CLEC12A: variants seen among roughly 807,000 people sequenced by gnomAD.
CLEC12A encodes C-type lectin protein CLL-1.
CLEC12A carries 22 observed loss-of-function variants against 26.5 expected under a neutral mutation model. The ratio of observed to expected loss-of-function variants is 0.83; its 90% CI spans 0.59 to 1.19. CLEC12A has a LOEUF of 1.19. Ranked by LOEUF, CLEC12A falls within the 50% of genes most tolerant of loss-of-function variation. CLEC12A has a pLI of 0.00. For missense variants in CLEC12A, 353 were observed against 315.6 expected, an observed-to-expected ratio of 1.12 and a Z score of -0.90; for synonymous variants, 119 against 101.9, an observed-to-expected ratio of 1.17 and a Z score of -1.01.
At chr12:9,954,178 C>T (rs554114154) in intron 1 of CLEC12A, among the ~76,000 whole-genome samples, 1 of 137,008 alleles carries the variant, frequency 7.3e-6, no homozygotes, top group African/African-American at 2.8e-5. Flanking sequence ...CAAATCCCCT[C>T]TGTGAGAAAC....
chr12:9,989,521 G>A (rs1223387489), downstream of CLEC12A, among the ~76,000 whole-genome samples: 1 of 152,210 alleles, frequency 6.6e-6, no homozygotes, highest in Non-Finnish European at 1.5e-5. Flanking sequence ...TCCAGAGCAA[G>A]GCCCTAACTC....
rs1196731388 is a variant in CLEC12A, at chr12:9,985,040, T to C, written c.*14T>C. On this transcript the variant is annotated 3_prime_UTR_variant, in exon 6 of 6. Coordinates refer to ENST00000304361, the MANE Select transcript of CLEC12A (RefSeq NM_138337.6). ...AGGGAGGCATGAGGCATCAATCAAA[T>C]ACATTTAAGGAGTGTAGGGGGTGGG... is the stretch of plus-strand genomic sequence containing the variant. The C allele has an allele frequency of 4.0e-6, 6 of 1,500,014 alleles. No individual in the cohort carries two copies. The African/African-American group carries it at 8.5e-5, about 21-fold the overall frequency. The allele number at this position is 1,500,014 out of a possible 1,614,324, so 92.9% of individuals were successfully genotyped here. A position where few individuals can be genotyped will look rare whatever the true frequency, so the allele number is the denominator to read the frequency against.
At chr12:9,983,981 T>C in intron 5 of CLEC12A, 1 of 251,064 alleles carries the variant, frequency 4.0e-6, no homozygotes, top group Non-Finnish European at 8.2e-6. Context: ...AAACGTAGAA[T>C]ATGTATGTGT....
At chr12:9,979,088 C>A in intron 2 of CLEC12A, 24 bp downstream of exon 2, 1 of 1,544,442 alleles carries the variant, frequency 6.5e-7, no homozygotes, top group South Asian at 1.1e-5. Context: ...CTGTTTTTGT[C>A]AAGAGGAAGT....
intron 1 of CLEC12A, among the ~76,000 whole-genome samples, chr12:9,965,957 T>C (rs1297859663): frequency 6.6e-6 from 1 of 152,020 alleles, no homozygotes; most frequent in Non-Finnish European, 1.5e-5. Flanking sequence ...AAGGAGGCTT[T>C]GACCTGGGGG....
In CLEC12A at chr12:9,966,217, G is replaced by A. The variant is rs144577172; in HGVS notation, c.11-5360G>A. ...CTTTGAAAAGAAGGTAATGTGGAGT[G>A]GGTAGCCTCCGTATTGATTAAGAAG... On this transcript the variant is annotated intron_variant, in intron 1 of 6. Transcript: ENST00000355690. Among the ~76,000 whole-genome samples, 307 of 152,304 alleles carry A rather than the reference G, an allele frequency of 2.0e-3. 3 individuals are homozygous for A. The highest frequency in any genetic ancestry group is 0.01 in the East Asian group (52 of 5,186).
intron 1 of CLEC12A, among the ~76,000 whole-genome samples, chr12:9,960,434 T>C (rs894353379): frequency 2.0e-5 from 3 of 152,232 alleles, no homozygotes; most frequent in Admixed American, 1.3e-4. Context: ...GGTTTATCTA[T>C]ATTATTTATC....
At chr12:9,998,954 A>G (rs976795877), downstream of CLEC12A, 1 of 807,832 alleles carries the variant, frequency 1.2e-6, no homozygotes, top group Admixed American at 2.1e-5. Context: ...AACTATATAT[A>G]TTATCAATAG....
At chr12:9,960,066 C>T (rs1252609362) in intron 1 of CLEC12A, among the ~76,000 whole-genome samples, 1 of 152,158 alleles carries the variant, frequency 6.6e-6, no homozygotes, top group Non-Finnish European at 1.5e-5. Flanking sequence ...TAGCTGCAAC[C>T]ACAATAGGTC....
downstream of CLEC12A, among the ~76,000 whole-genome samples, chr12:9,997,942 T>C (rs11834434): frequency 0.028 from 4,247 of 149,110 alleles, 208 homozygotes; most frequent in African/African-American, 0.098. Context: ...ATATATGAAA[T>C]TGAAAAACTC....
At chr12:9,990,964 C>T (rs568414935) in intron 4 of CLEC12A, 3 of 152,148 alleles carry the variant, frequency 2.0e-5, no homozygotes, top group African/African-American at 7.2e-5. Context: ...TAGCAATAAA[C>T]TATTTTTAAT....
intron 1 of CLEC12A, among the ~76,000 whole-genome samples, chr12:9,972,716 T>C (rs1273839923): frequency 6.6e-6 from 1 of 152,214 alleles, no homozygotes; most frequent in African/African-American, 2.4e-5. Context: ...CTTGGATCCA[T>C]TTATGATGAG....
At chr12:9,968,438 G>C (rs369593795), upstream of CLEC12A, among the ~76,000 whole-genome samples, 59 of 152,246 alleles carry the variant, frequency 3.9e-4, no homozygotes, top group African/African-American at 1.3e-3. Flanking sequence ...TACATCAAAG[G>C]GGGGTTGTTC....
chr12:9,952,201 C>A (rs866998531), intron 1 of CLEC12A: 7 of 62,710 alleles, frequency 1.1e-4, no homozygotes, highest in African/African-American at 3.4e-4. Context: ...CTCCGTCTCC[C>A]TCTCCCTCTC....
intron 1 of CLEC12A, among the ~76,000 whole-genome samples, chr12:9,962,545 G>A (rs1361245253): frequency 6.6e-6 from 1 of 152,100 alleles, no homozygotes; most frequent in Admixed American, 6.5e-5. Context: ...AGTCAGCGAA[G>A]GGAGATAGGG....
chr12:9,977,671 C>T (rs1334066135), intron 1 of CLEC12A, among the ~76,000 whole-genome samples: 1 of 152,104 alleles, frequency 6.6e-6, no homozygotes, highest in Non-Finnish European at 1.5e-5. Flanking sequence ...CACAACATCG[C>T]CAAATTTGAG....
intron 1 of CLEC12A, among the ~76,000 whole-genome samples, chr12:9,958,744 C>A (rs1271347776): frequency 2.0e-5 from 3 of 152,172 alleles, no homozygotes; most frequent in African/African-American, 7.2e-5. Flanking sequence ...GAAGAAACTT[C>A]CCAGGCTTCC....
intron 4 of CLEC12A, chr12:9,993,436 A>C: frequency 1.4e-6 from 1 of 698,390 alleles, no homozygotes; most frequent in East Asian, 2.7e-5. Flanking sequence ...ATTGTTGAGA[A>C]AGTTCCACCC....
chr12:9,982,418 A>G (rs1478110244), intron 5 of CLEC12A, among the ~76,000 whole-genome samples: 2 of 152,140 alleles, frequency 1.3e-5, no homozygotes, highest in African/African-American at 4.8e-5. Context: ...CATTGGACTA[A>G]CAAGTACTTA....
Sources: gnomAD v4.1 joint callset for allele counts (sites outside exome capture counted in the v4.1 genomes callset) on GRCh38, gnomAD v4.1.1 for gene constraint, MANE v1.5 for transcripts, NCBI Gene and HGNC (gene_info 2026-07-23, HGNC 2026-07-21) for gene names.